Variants in DDX10 observed in about 807,000 individuals in gnomAD.
The protein encoded by DDX10 is DEAD-box helicase 10, also known as probable ATP-dependent RNA helicase DDX10.
DDX10 carries 74 observed loss-of-function variants against 104.3 expected under a neutral mutation model. The observed-to-expected ratio is 0.71, with a 90% CI of 0.59 to 0.86. The LOEUF (loss-of-function observed/expected upper bound fraction) is 0.86, where lower values mean the gene tolerates loss of function less well. Ranked by LOEUF, DDX10 falls within the 40% of genes least tolerant of loss-of-function variation. The pLI is 0.00. For missense variants in DDX10, 952 were observed against 1,040.0 expected (o/e 0.92, Z 1.16); for synonymous variants, 351 against 353.4 (o/e 0.99, Z 0.08).
intron 13 of DDX10, among the ~76,000 whole-genome samples, chr11:108,772,062 A>G (rs1287772668): frequency 6.6e-6 from 1 of 152,200 alleles, no homozygotes; most frequent in Non-Finnish European, 1.5e-5. Flanking sequence ...GTTGTAGTTG[A>G]TCTTGTGACT....
At chr11:108,727,201 A>G (rs527277990) in intron 13 of DDX10, among the ~76,000 whole-genome samples, 6 of 152,080 alleles carry the variant, frequency 3.9e-5, no homozygotes, top group Admixed American at 2.0e-4. Flanking sequence ...TTTTGCCAGC[A>G]TAGAGGTCAT....
chr11:108,781,949 C>T (rs776303926), intron 13 of DDX10, among the ~76,000 whole-genome samples: 1 of 152,148 alleles, frequency 6.6e-6, no homozygotes. Context: ...AGAGCACAGC[C>T]GTCAGAAGAG....
chr11:108,673,378 A>G, intron 1 of DDX10, 89 bp from the exon 2 acceptor site: 1 of 830,716 alleles, frequency 1.2e-6, no homozygotes, highest in Non-Finnish European at 2.0e-6. Context: ...CTGAATTACC[A>G]AGGATGAGCT....
At chr11:108,741,494 T>C (rs1372088186) in intron 13 of DDX10, among the ~76,000 whole-genome samples, 1 of 152,156 alleles carries the variant, frequency 6.6e-6, no homozygotes, top group Non-Finnish European at 1.5e-5. Context: ...CAGTGTTCTG[T>C]ATTTCTCTTT....
At position 108,739,088 on chromosome 11, in the gene DDX10, G is replaced by A. The variant is rs79909295; in HGVS notation, c.1965+15626G>A. On this transcript the variant is annotated intron_variant, in intron 13 of 17. Coordinates refer to ENST00000322536, the MANE Select transcript of DDX10 (RefSeq NM_004398.4). ...CTGCCCCCCCAGGGAGACACTTTCT[G>A]TCTCTCCTAAGGCTGTATGCTATCC... Among the ~76,000 whole-genome samples the A allele has an allele frequency of 4.5e-3, 680 of 152,274 alleles. 8 individuals are homozygous for A. Among genetic ancestry groups the A allele is most frequent in the African/African-American group, 0.016 (655 of 41,568 alleles).
In DDX10 at chr11:108,665,883, C is replaced by G. The variant is rs79987056; in HGVS notation, c.186+544C>G. 8.9e-3 allele frequency among the ~76,000 whole-genome samples: 1,348 copies of G among 152,256 alleles called. 20 individuals are homozygous for G. Among genetic ancestry groups the G allele is most frequent in the African/African-American group, 0.03 (1,235 of 41,544 alleles). On this transcript the variant is annotated intron_variant, in intron 1 of 17. Coordinates refer to ENST00000322536, the MANE Select transcript of DDX10 (RefSeq NM_004398.4). ...TGCATCCCTCAACATCATCTATGCT[C>G]CTTCCTGTGGCCACCTCATTTTCTC...
intron 17 of DDX10, 41 bp downstream of exon 17, chr11:108,918,059 C>G (rs764643154): frequency 5.4e-5 from 85 of 1,570,934 alleles, no homozygotes; most frequent in Non-Finnish European, 7.2e-5. Flanking sequence ...ACTTAGTACT[C>G]TCACATCAGT....
chr11:108,844,374 G>A (rs1363665056), intron 15 of DDX10, among the ~76,000 whole-genome samples: 1 of 152,180 alleles, frequency 6.6e-6, no homozygotes, highest in African/African-American at 2.4e-5. Context: ...ACACACATAT[G>A]TATTTGTGTG....
chr11:108,814,901 G>A (rs930921039), intron 13 of DDX10, among the ~76,000 whole-genome samples: 5 of 152,180 alleles, frequency 3.3e-5, no homozygotes, highest in Non-Finnish European at 5.9e-5. Context: ...TAATGATATA[G>A]TCTCTGGGAG....
chr11:108,729,036 C>G (rs925006352), intron 13 of DDX10, among the ~76,000 whole-genome samples: 3 of 152,160 alleles, frequency 2.0e-5, no homozygotes, highest in African/African-American at 7.2e-5. Context: ...TTCACTTTCA[C>G]TACTCTCACC....
At chr11:108,818,375 A>G (rs1312996200) in intron 13 of DDX10, among the ~76,000 whole-genome samples, 1 of 152,166 alleles carries the variant, frequency 6.6e-6, no homozygotes, top group Admixed American at 6.5e-5. Flanking sequence ...TGATCAGGCT[A>G]TTCTTTGGTA....
At chr11:108,907,607 G>C (rs1245538083) in intron 16 of DDX10, among the ~76,000 whole-genome samples, 4 of 152,152 alleles carry the variant, frequency 2.6e-5, no homozygotes, top group African/African-American at 4.8e-5. Context: ...TAGGTGGCCA[G>C]AGCTGAAATG....
intron 1 of DDX10, among the ~76,000 whole-genome samples, chr11:108,670,852 T>C (rs181655502): frequency 3.4e-3 from 524 of 152,292 alleles, no homozygotes; most frequent in Non-Finnish European, 5.5e-3. Context: ...CGGTTTGCTG[T>C]TCTTCTCTTG....
At chr11:108,932,350 C>T (rs1032908358) in intron 17 of DDX10, among the ~76,000 whole-genome samples, 2 of 151,884 alleles carry the variant, frequency 1.3e-5, no homozygotes, top group Admixed American at 1.3e-4. Flanking sequence ...GGAACCAGGC[C>T]GAACATGGTG....
In DDX10 at chr11:108,723,500, G is replaced by T. The variant is rs2094301434; in HGVS notation, c.1965+38G>T. ...CCAGTGGAGGGTCTTCTATTACATT[G>T]TCTTACTATGTGCTTATTGTTGCCT... On this transcript the variant is annotated intron_variant, in intron 13 of 17. Coordinates refer to ENST00000322536, the MANE Select transcript of DDX10 (RefSeq NM_004398.4). The T allele has an allele frequency of 2.6e-6, 4 of 1,556,964 alleles. No homozygotes were observed. In the Admixed American group the frequency reaches 6.0e-5, roughly 23 times the overall value.
chr11:108,871,820 C>T (rs12794597), intron 16 of DDX10, among the ~76,000 whole-genome samples: 18,860 of 151,898 alleles, frequency 0.12, 1,388 homozygotes, highest in East Asian at 0.25. Flanking sequence ...GCCAGATACT[C>T]GGGAGGCTGA....
chr11:108,864,774 T>TA (rs1014687909), intron 16 of DDX10, among the ~76,000 whole-genome samples: 9 of 152,114 alleles, frequency 5.9e-5, no homozygotes, highest in African/African-American at 1.2e-4. Flanking sequence ...TTATACTTCT[T>TA]ACAACCCTGA....
chr11:108,871,714 G>A (rs563633134), intron 16 of DDX10, among the ~76,000 whole-genome samples: 1 of 152,180 alleles, frequency 6.6e-6, no homozygotes, highest in African/African-American at 2.4e-5. Context: ...TATCACCTGA[G>A]GTAGGGGGTT....
At chr11:108,692,083 G>T (rs748741089) in intron 8 of DDX10, 45 bp downstream of exon 8, 12 of 1,523,616 alleles carry the variant, frequency 7.9e-6, no homozygotes, top group Non-Finnish European at 1.1e-5. Context: ...TGTGTGAAAT[G>T]TAATTTGCTT....
Sources: allele counts gnomAD v4.1 joint callset (sites outside exome capture counted in the v4.1 genomes callset), GRCh38; gene constraint gnomAD v4.1.1; transcripts MANE v1.5; gene names NCBI Gene and HGNC (gene_info 2026-07-23, HGNC 2026-07-21).